The following LRP1B variants were observed in gnomAD, a reference collection of about 807,000 sequenced individuals.
The protein encoded by LRP1B is low-density lipoprotein receptor-related protein 1B.
A neutral mutation model predicts 556.6 loss-of-function variants in LRP1B; 217 were observed. That is an observed-to-expected ratio of 0.39 (90% CI 0.35 to 0.44). The LOEUF (loss-of-function observed/expected upper bound fraction) is 0.44. Ranked by LOEUF, LRP1B falls within the 20% of genes least tolerant of loss-of-function variation. The pLI is 1.00. For missense variants in LRP1B, 5,053 were observed against 5,620.8 expected (o/e 0.90, Z 3.23); for synonymous variants, 2,047 against 1,865.8 (o/e 1.10, Z -2.50).
chr2:141,463,368 A>G (rs2105047344), intron 3 of LRP1B, among the ~76,000 whole-genome samples: 1 of 151,690 alleles, frequency 6.6e-6, no homozygotes, highest in South Asian at 2.1e-4. Context: ...TACATGCCAC[A>G]AATCATAAAT....
chr2:140,431,065 G>A (rs997706208), intron 66 of LRP1B, among the ~76,000 whole-genome samples: 2 of 152,104 alleles, frequency 1.3e-5, no homozygotes, highest in African/African-American at 4.8e-5. Context: ...ATAATTCCTC[G>A]GTTTAGCCTT....
intron 1 of LRP1B, among the ~76,000 whole-genome samples, chr2:142,069,004 C>G (rs2104907202): frequency 6.6e-6 from 1 of 151,510 alleles, no homozygotes; most frequent in Non-Finnish European, 1.5e-5. Flanking sequence ...CTCTCTGTCT[C>G]TCTCTCTATG....
chr2:141,189,958 A>AAAGAAAGAAAAGGAAGG (rs1558921771), intron 6 of LRP1B, among the ~76,000 whole-genome samples: 1 of 5,528 alleles, frequency 1.8e-4, no homozygotes, highest in Non-Finnish European at 9.6e-4. Flanking sequence ...GAAAAGGAAG[A>AAAGAAAGAAAAGGAAGG]AAAGAAAGAA....
intron 29 of LRP1B, among the ~76,000 whole-genome samples, chr2:140,849,285 T>C (rs541127338): frequency 1.3e-5 from 2 of 149,386 alleles, no homozygotes; most frequent in African/African-American, 4.9e-5. Context: ...AGGCAGAGAA[T>C]TGCTTGAACC....
At chr2:141,405,121 A>C (rs1690588855) in intron 3 of LRP1B, among the ~76,000 whole-genome samples, 1 of 152,068 alleles carries the variant, frequency 6.6e-6, no homozygotes, top group Admixed American at 6.6e-5. Flanking sequence ...ACAAAAACAA[A>C]ACCATGAAGA....
intron 1 of LRP1B, among the ~76,000 whole-genome samples, chr2:141,824,817 G>A (rs983917440): frequency 5.3e-5 from 8 of 152,268 alleles, no homozygotes; most frequent in Non-Finnish European, 1.0e-4. Flanking sequence ...AGGTGATATG[G>A]TTTGGCTGTG....
At chr2:140,558,942 G>GAAAAAAAAAAAA (rs371518136) in intron 43 of LRP1B, among the ~76,000 whole-genome samples, 1 of 110,592 alleles carries the variant, frequency 9.0e-6, no homozygotes. Flanking sequence ...TCTCCAAAAG[G>GAAAAAAAAAAAA]AAAAAAAAAA....
At chr2:140,449,303 G>A (rs1489440120) in intron 63 of LRP1B, among the ~76,000 whole-genome samples, 1 of 151,608 alleles carries the variant, frequency 6.6e-6, no homozygotes, top group African/African-American at 2.4e-5. Flanking sequence ...TTTATTGTGG[G>A]GAAAGTAATA....
At chr2:140,599,375 C>T (rs957485918) in intron 42 of LRP1B, among the ~76,000 whole-genome samples, 1 of 151,804 alleles carries the variant, frequency 6.6e-6, no homozygotes, top group Admixed American at 6.6e-5. Context: ...CTTTTTTTCT[C>T]TCAGTGTGAT....
At chr2:141,296,484 A>G (rs1241690180) in intron 3 of LRP1B, among the ~76,000 whole-genome samples, 1 of 152,206 alleles carries the variant, frequency 6.6e-6, no homozygotes, top group Non-Finnish European at 1.5e-5. Context: ...CTAAGCCACT[A>G]TTCTATAACT....
chr2:140,962,593 A>G (rs1310531069), intron 18 of LRP1B, among the ~76,000 whole-genome samples: 1 of 152,172 alleles, frequency 6.6e-6, no homozygotes, highest in African/African-American at 2.4e-5. Context: ...AAGTTACACC[A>G]CGACTGCCTT....
At chr2:141,944,050 T>C (rs1387523310) in intron 1 of LRP1B, among the ~76,000 whole-genome samples, 1 of 152,140 alleles carries the variant, frequency 6.6e-6, no homozygotes, top group Non-Finnish European at 1.5e-5. Flanking sequence ...GGCTCCACCC[T>C]GTTCTCCCAG....
intron 41 of LRP1B, among the ~76,000 whole-genome samples, chr2:140,641,860 T>C (rs1684308902): frequency 6.6e-6 from 1 of 152,162 alleles, no homozygotes; most frequent in Admixed American, 6.5e-5. Context: ...AAAATAATAT[T>C]TCTAAAGGCC....
chr2:140,460,435 C>A (rs988799976), intron 60 of LRP1B, among the ~76,000 whole-genome samples: 1 of 151,968 alleles, frequency 6.6e-6, no homozygotes, highest in Non-Finnish European at 1.5e-5. Context: ...ACAAACAAAC[C>A]CTTAATTAAT....
chr2:141,477,038 G>A (rs144872245), intron 3 of LRP1B, among the ~76,000 whole-genome samples: 7,894 of 151,954 alleles, frequency 0.052, 275 homozygotes, highest in South Asian at 0.17. Flanking sequence ...CAGGAGAATC[G>A]CTTGAACCTG....
rs1264745711 is a variant in LRP1B, at chr2:140,371,269, T to C, written c.10785A>G (p.Ser3595=). Residue 3595 remains serine, a synonymous_variant, in exon 70 of 91, where the codon TCA becomes TCG. Transcript: ENST00000389484. ...KSCEPASPTC[S]SREYICASDG... ...CACTGGCACATATATATTCACGTGA[T>C]GAGCAAGTAGGAGAAGCTGAATACA... 1.0e-5 allele frequency: 16 copies of C among 1,576,726 alleles called. No homozygotes were observed. Among genetic ancestry groups the C allele is most frequent in the African/African-American group, 8.2e-5 (6 of 73,504 alleles).
intron 1 of LRP1B, among the ~76,000 whole-genome samples, chr2:142,031,920 C>A (rs1048995131): frequency 6.6e-6 from 1 of 151,812 alleles, no homozygotes; most frequent in Non-Finnish European, 1.5e-5. Flanking sequence ...CAGACACATG[C>A]ATAGGGAGAA....
chr2:141,663,146 A>G (rs1282961670), intron 2 of LRP1B, among the ~76,000 whole-genome samples: 1 of 152,192 alleles, frequency 6.6e-6, no homozygotes, highest in African/African-American at 2.4e-5. Context: ...CAATGAGAAC[A>G]AAGAGACAAC....
chr2:141,882,833 A>T (rs1020019172), intron 1 of LRP1B, among the ~76,000 whole-genome samples: 6 of 152,140 alleles, frequency 3.9e-5, no homozygotes, highest in African/African-American at 1.4e-4. Context: ...TCAGCCTCTC[A>T]AAGTGCAGGG....
Sources: allele counts gnomAD v4.1 joint callset (sites outside exome capture counted in the v4.1 genomes callset), GRCh38; gene constraint gnomAD v4.1.1; transcripts MANE v1.5; gene names NCBI Gene and HGNC (gene_info 2026-07-23, HGNC 2026-07-21).